CEL: variants seen among roughly 807,000 people sequenced by gnomAD.
The protein encoded by CEL is bile salt-activated lipase.
Under a neutral mutation model 57.1 loss-of-function variants are expected in CEL, and 39 were observed. The observed-to-expected ratio is 0.68, with a 90% CI of 0.53 to 0.89. The LOEUF (loss-of-function observed/expected upper bound fraction) is 0.89. Ranked by LOEUF, CEL falls within the 40% of genes least tolerant of loss-of-function variation. The probability of loss-of-function intolerance (pLI) is 0.00; values close to 1 mark genes in which losing one functional copy is unlikely to be tolerated. For synonymous variants in CEL, 314 were observed against 396.6 expected, an observed-to-expected ratio of 0.79 and a Z score of 2.48; for missense variants, 698 against 915.0, an observed-to-expected ratio of 0.76 and a Z score of 3.06.
intron 7 of CEL, 96 bp from the exon 8 acceptor site, chr9:133,068,576 G>C: frequency 6.4e-7 from 1 of 1,561,092 alleles, no homozygotes; most frequent in Non-Finnish European, 8.7e-7. Flanking sequence ...TCAGAGAAGG[G>C]AGGACATAGC....
rs531669054 is a variant in CEL at position 133,064,707 on chromosome 9, C to G, written c.285C>G (p.Tyr95Ter). Residue 95 changes from tyrosine to a stop codon, truncating the protein, a stop_gained, in exon 3 of 11, where the codon TAC (tyrosine) becomes TAG (stop). Coordinates refer to ENST00000372080, the MANE Select transcript of CEL (RefSeq NM_001807.6). LOFTEE classifies it high-confidence loss of function. ...CCACCATCACCCAGGACAGCACCTA[C>G]GGGGATGAAGACTGCCTGTACCTCA... ...LQATITQDSTYGDEDCLYLNI... is the reference protein window; with the variant it reads ...LQATITQDST 5 of 1,614,104 alleles carry G rather than the reference C, an allele frequency of 3.1e-6. No individual in the cohort carries two copies. In the East Asian group the frequency reaches 6.7e-5, roughly 22 times the overall value.
intron 3 of CEL, 86 bp from the exon 4 acceptor site, chr9:133,064,954 A>G: frequency 1.3e-6 from 2 of 1,575,472 alleles, no homozygotes; most frequent in Non-Finnish European, 1.7e-6. Flanking sequence ...TCTTGGCCCC[A>G]GGCACCTGCT....
At position 133,071,539 on chromosome 9, in the gene CEL, C is replaced by T. The variant is rs760758682; in HGVS notation, c.2037C>T (p.Pro679=). 1 of 831,094 alleles carries T rather than the reference C, an allele frequency of 1.2e-6. No individual in the cohort carries two copies. Among genetic ancestry groups the T allele is most frequent in the African/African-American group, 2.1e-5 (1 of 47,562 alleles). 51.5% of individuals were successfully genotyped at this position (831,094 alleles called of 1,614,324 possible). ...CGCCCACGGGTGACGCCGGGCCCCC[C>T]CCCGTGCCGCCCACGGGTGACTCCG... The part of the protein sequence containing the change: ...PVPPTGDAGP[P]PVPPTGDSGA... Residue 679 remains proline, a synonymous_variant, in exon 11 of 11, where the codon CCC becomes CCT. Transcript: ENST00000372080.
In CEL at chr9:133,066,802, G is replaced by A; in HGVS notation, c.670-36G>A. ...CCCAGCGTGGGGTGGGCAGAGTGGG[G>A]AGCGGCCTTGGTGACGGGATTTCTG... On this transcript the variant is annotated intron_variant, in intron 5 of 10. Transcript: ENST00000372080. The surrounding 1 kb of genome is among the most constrained non-coding windows in gnomAD (Gnocchi z 4.3). 6.2e-7 allele frequency: 1 copy of A among 1,608,060 alleles called. No homozygotes were observed. The highest frequency in any genetic ancestry group is 2.2e-5 in the East Asian group (1 of 44,702).
Position 133,066,588 on chromosome 9 carries a change from G to C in CEL, c.597G>C (p.Ala199=). 6.2e-7 allele frequency: 1 copy of C among 1,613,964 alleles called. No individual in the cohort carries two copies. The highest frequency in any genetic ancestry group is 1.1e-5 in the South Asian group (1 of 91,086). The change falls in exon 5 of 11, where the codon GCG becomes GCC. Residue 199 remains alanine, a synonymous_variant. Transcript: ENST00000372080. This position sits in a 1 kb window ranked among gnomAD's most constrained non-coding sequence, Gnocchi z 4.3. ...TTGCTTGGGTGAAGAGGAATATCGC[G>C]GCCTTCGGGGGGGACCCCAACAACA... is the stretch of plus-strand genomic sequence containing the variant. ...MAIAWVKRNI[A]AFGGDPNNIT... is the part of the protein sequence containing the mutation.
In CEL at chr9:133,066,751, G is replaced by A. The variant is rs1830183367; in HGVS notation, c.670-87G>A. ...GGGTGGGAGGAGGAGCGTGGAGCTGGGGCTGTGGTGCTGGGGTGTCCTTGT... is the reference window on the plus strand; with the variant it reads ...GGGTGGGAGGAGGAGCGTGGAGCTGAGGCTGTGGTGCTGGGGTGTCCTTGT... On this transcript the variant is annotated intron_variant, in intron 5 of 10. Transcript: ENST00000372080. This position sits in a 1 kb window ranked among gnomAD's most constrained non-coding sequence, Gnocchi z 4.3. The A allele has an allele frequency of 6.2e-7, 1 of 1,608,128 alleles. No homozygotes were observed. Among genetic ancestry groups the A allele is most frequent in the Non-Finnish European group, 8.5e-7 (1 of 1,175,834 alleles).
rs1830271955 is a variant in CEL, at chr9:133,071,542, C to T, written c.2040C>T (p.Pro680=). The change falls in exon 11 of 11, where the codon CCC becomes CCT. Residue 680 remains proline, a synonymous_variant. Coordinates refer to ENST00000372080, the MANE Select transcript of CEL (RefSeq NM_001807.6). ...VPPTGDAGPP[P]VPPTGDSGAP... Reference sequence around the variant, plus strand: ...CCACGGGTGACGCCGGGCCCCCCCCCGTGCCGCCCACGGGTGACTCCGGCG... The same window carrying T: ...CCACGGGTGACGCCGGGCCCCCCCCTGTGCCGCCCACGGGTGACTCCGGCG... 4 of 850,840 alleles carry T rather than the reference C, an allele frequency of 4.7e-6. No homozygotes were observed. Among genetic ancestry groups the T allele is most frequent in the South Asian group, 3.2e-5 (2 of 61,684 alleles). 52.7% of individuals were successfully genotyped at this position (850,840 alleles called of 1,614,324 possible). A position where few individuals can be genotyped will look rare whatever the true frequency, so the allele number is the denominator to read the frequency against.
chr9:133,065,334 C>A, intron 4 of CEL, 97 bp downstream of exon 4: 1 of 1,387,342 alleles, frequency 7.2e-7, no homozygotes, highest in Non-Finnish European at 1.0e-6. Flanking sequence ...CAACCAGTGG[C>A]GGTTCACAGA....
In CEL at chr9:133,071,046, A is replaced by C. The variant is rs944998757; in HGVS notation, c.1544A>C (p.Asn515Thr). 1 of 1,613,234 alleles carries C rather than the reference A, an allele frequency of 6.2e-7. No homozygotes were observed. Among genetic ancestry groups the C allele is most frequent in the Non-Finnish European group, 8.5e-7 (1 of 1,179,836 alleles). The change falls in exon 11 of 11, where the codon AAC (asparagine) becomes ACC (threonine). Residue 515 changes from asparagine (N) to threonine (T), a missense_variant. By Grantham distance (65) the Asn-to-Thr change is moderately conservative (BLOSUM62 0). Around this residue, in one of 6 missense-constraint regions of CEL, gnomAD observed 111 missense variants for 147.3 expected, o/e 0.75. Transcript: ENST00000372080. The stretch of plus-strand genomic sequence containing the variant: ...CACTGGGAACCCTACACTACGGAAA[A>C]CAGCGGCTACCTGGAGATCACCAAG... ...PTHWEPYTTENSGYLEITKKM... is the reference protein window; with the variant it reads ...PTHWEPYTTETSGYLEITKKM...
intron 7 of CEL, among the ~76,000 whole-genome samples, chr9:133,067,878 G>T (rs918819557): frequency 1.3e-5 from 2 of 152,138 alleles, no homozygotes; most frequent in Non-Finnish European, 2.9e-5. Context: ...TTACTGAACC[G>T]TAGCACTGGG....
Position 133,070,934 on chromosome 9 carries a change from C to G in CEL, c.1485-53C>G, listed in dbSNP as rs145786160. On this transcript the variant is annotated intron_variant, in intron 10 of 10. Transcript: ENST00000372080. ...TCAGGCGTGCAGGTGGAGAGCAGGG[C>G]TTCAGCCCCCTGGGAGTCCCCAGCC... The G allele has an allele frequency of 2.2e-3, 3,570 of 1,596,078 alleles. 60 individuals are homozygous for G. The African/African-American group carries it at 0.041, about 18-fold the overall frequency.
chr9:133,067,045 A>T, intron 6 of CEL, 43 bp from the exon 7 acceptor site: 1 of 1,611,210 alleles, frequency 6.2e-7, no homozygotes, highest in South Asian at 1.1e-5. Context: ...CTGAGCCCTG[A>T]GCTCCGGCCT....
At position 133,071,088 on chromosome 9, in the gene CEL, C is replaced by G. The variant is rs746836210; in HGVS notation, c.1586C>G (p.Ser529Cys). Residue 529 changes from serine (S) to cysteine (C), a missense_variant, in exon 11 of 11, where the codon TCC (serine) becomes TGC (cysteine). Physicochemically the swap from Ser to Cys is moderately radical, Grantham distance 112. Coordinates refer to ENST00000372080, the MANE Select transcript of CEL (RefSeq NM_001807.6). Reference protein sequence around the residue: ...LEITKKMGSSSMKRSLRTNFL... With the variant: ...LEITKKMGSSCMKRSLRTNFL... The stretch of plus-strand genomic sequence containing the variant: ...ATCACCAAGAAGATGGGCAGCAGCT[C>G]CATGAAGCGGAGCCTGAGAACCAAC... 2 of 1,611,788 alleles carry G rather than the reference C, an allele frequency of 1.2e-6. No individual in the cohort carries two copies. The highest frequency in any genetic ancestry group is 4.5e-5 in the East Asian group (2 of 44,870).
intron 10 of CEL, 62 bp downstream of exon 10, chr9:133,070,720 G>A: frequency 6.2e-7 from 1 of 1,609,442 alleles, no homozygotes; most frequent in South Asian, 1.1e-5. Context: ...CCACCACGAG[G>A]CCTTGTTCCC....
intron 1 of CEL, among the ~76,000 whole-genome samples, chr9:133,063,073 G>T (rs1034119097): frequency 1.3e-5 from 2 of 151,870 alleles, no homozygotes; most frequent in Non-Finnish European, 2.9e-5. Context: ...CTGTTCTGCC[G>T]CCTGCGGTGT....
chr9:133,064,045 G>A (rs1246889170), intron 1 of CEL, among the ~76,000 whole-genome samples: 4 of 152,190 alleles, frequency 2.6e-5, no homozygotes, highest in East Asian at 1.9e-4. Context: ...CAGGAGACAC[G>A]GCTGTTGCTC....
rs1246722075 is a variant in CEL, at chr9:133,064,528, A to G, written c.191A>G (p.Asn64Ser). The change falls in exon 2 of 11, where the codon AAT (asparagine) becomes AGT (serine). Residue 64 changes from asparagine to serine, a missense_variant. Physicochemically the swap from Asn to Ser is conservative, Grantham distance 46 (BLOSUM62 1). This residue lies in a region of CEL where 327 missense variants were observed against 374.1 expected (regional missense o/e 0.87). Coordinates refer to ENST00000372080, the MANE Select transcript of CEL (RefSeq NM_001807.6). ...PFAAPTKALENPQPHPGWQGT... is the reference protein window; with the variant it reads ...PFAAPTKALESPQPHPGWQGT... ...GCAGCTCCCACCAAGGCCCTGGAAA[A>G]TCCTCAGCCACATCCTGGCTGGCAA... 2.5e-6 allele frequency: 4 copies of G among 1,613,964 alleles called. No homozygotes were observed. The highest frequency in any genetic ancestry group is 1.7e-5 in the Admixed American group (1 of 60,000).
chr9:133,070,092 T>C (rs1477355139), intron 9 of CEL, among the ~76,000 whole-genome samples: 4 of 151,528 alleles, frequency 2.6e-5, no homozygotes, highest in African/African-American at 9.7e-5. Context: ...GCAGTACATT[T>C]AGCTGTGAGC....
At position 133,071,859 on chromosome 9, in the gene CEL, C is replaced by A; in HGVS notation, c.*95C>A. 1 of 1,171,722 alleles carries A rather than the reference C, an allele frequency of 8.5e-7. No individual in the cohort carries two copies. Among genetic ancestry groups the A allele is most frequent in the Non-Finnish European group, 1.3e-6 (1 of 798,264 alleles). The allele number at this position is 1,171,722 out of a possible 1,614,324, so 72.6% of individuals were successfully genotyped here. A position where few individuals can be genotyped will look rare whatever the true frequency, so the allele number is the denominator to read the frequency against. On this transcript the variant is annotated 3_prime_UTR_variant, in exon 11 of 11. Transcript: ENST00000372080. Reference sequence around the variant, plus strand: ...TCTTCCTGAATAAAGCCTCATACCCCTGTCGGTGTCTTTCTTTGCTCCCAA... The same window carrying A: ...TCTTCCTGAATAAAGCCTCATACCCATGTCGGTGTCTTTCTTTGCTCCCAA...
Sources: allele counts gnomAD v4.1 joint callset (sites outside exome capture counted in the v4.1 genomes callset), GRCh38; gene constraint gnomAD v4.1.1; regional missense constraint gnomAD v4.1.1; non-coding constraint Gnocchi (gnomAD v3.1); transcripts MANE v1.5; gene names NCBI Gene and HGNC (gene_info 2026-07-23, HGNC 2026-07-21).